Variants in PTPRG observed in about 807,000 individuals in gnomAD.
The protein encoded by PTPRG is receptor-type tyrosine-protein phosphatase gamma.
Under a neutral mutation model 165.3 loss-of-function variants are expected in PTPRG, and 102 were observed. The ratio of observed to expected loss-of-function variants is 0.62; its 90% CI spans 0.53 to 0.73. The LOEUF (loss-of-function observed/expected upper bound fraction) is 0.73, where lower values mean the gene tolerates loss of function less well. Among genes scored for constraint, PTPRG ranks in the 30% least tolerant of loss-of-function variants. PTPRG has a pLI of 0.00. For missense variants in PTPRG, 1,866 were observed against 1,861.4 expected (o/e 1.00, Z -0.05); for synonymous variants, 675 against 669.5 (o/e 1.01, Z -0.13).
chr3:61,803,400 T>A (rs1467643570), intron 2 of PTPRG, among the ~76,000 whole-genome samples: 1 of 147,326 alleles, frequency 6.8e-6, no homozygotes, highest in Admixed American at 6.7e-5. Context: ...TGTAAGCCCA[T>A]CCCATTTCTT....
In PTPRG at chr3:62,081,256, C is replaced by CAA. The variant is rs748197071; in HGVS notation, c.615+3001_615+3002dup. 7.0e-4 allele frequency among the ~76,000 whole-genome samples: 60 copies of CAA among 85,494 alleles called. 4 individuals are homozygous for CAA. The highest frequency in any genetic ancestry group is 4.0e-3 in the African/African-American group (55 of 13,764). 56.1% of individuals were successfully genotyped at this position (85,494 alleles called of 152,430 possible). ...TGGGCGACAGAGTGAGACTCCGTCT[C>CAA]AAAACAAACAAACAAACAAACAAAC... On this transcript the variant is annotated intron_variant, in intron 5 of 29. Transcript: ENST00000474889.
At chr3:62,147,882 G>T (rs1224777396) in intron 6 of PTPRG, among the ~76,000 whole-genome samples, 3 of 152,186 alleles carry the variant, frequency 2.0e-5, no homozygotes, top group Non-Finnish European at 2.9e-5. Flanking sequence ...CAAGCTGGGC[G>T]TGGTGGCTCA....
At position 61,940,823 on chromosome 3, in the gene PTPRG, C is replaced by T. The variant is rs1263014433; in HGVS notation, c.191-48802C>T. 2.0e-5 allele frequency among the ~76,000 whole-genome samples: 3 copies of T among 152,012 alleles called. 1 individual carries two copies. Among genetic ancestry groups the T allele is most frequent in the African/African-American group, 7.2e-5 (3 of 41,382 alleles). The stretch of plus-strand genomic sequence containing the variant: ...GGACTACAGGCGCCTGCCACCATGC[C>T]CGGCTAATTTTTTTGTATTTTTAGT... On this transcript the variant is annotated intron_variant, in intron 2 of 29. Transcript: ENST00000474889.
intron 2 of PTPRG, among the ~76,000 whole-genome samples, chr3:61,899,976 C>G (rs1481085388): frequency 6.6e-6 from 1 of 152,158 alleles, no homozygotes; most frequent in Non-Finnish European, 1.5e-5. Context: ...TGAAGAATTA[C>G]TTTAAAAAAT....
At chr3:61,768,633 G>C (rs2034109686) in intron 2 of PTPRG, among the ~76,000 whole-genome samples, 1 of 152,186 alleles carries the variant, frequency 6.6e-6, no homozygotes, top group South Asian at 2.1e-4. Flanking sequence ...AGTAAAGATT[G>C]TCATACAGGT....
chr3:61,823,327 A>G (rs2036010189), intron 2 of PTPRG, among the ~76,000 whole-genome samples: 1 of 152,176 alleles, frequency 6.6e-6, no homozygotes, highest in Non-Finnish European at 1.5e-5. Flanking sequence ...AGTAGCTGAG[A>G]CTACAGACAC....
intron 2 of PTPRG, among the ~76,000 whole-genome samples, chr3:61,969,849 T>C (rs760270037): frequency 2.0e-5 from 3 of 152,208 alleles, no homozygotes; most frequent in Non-Finnish European, 4.4e-5. Flanking sequence ...AAAGCTGCAC[T>C]GGGTAGATGG....
At chr3:62,100,458 A>G (rs1051560433) in intron 5 of PTPRG, among the ~76,000 whole-genome samples, 10 of 152,092 alleles carry the variant, frequency 6.6e-5, no homozygotes, top group African/African-American at 2.4e-4. Context: ...CTGTCATTTT[A>G]TGTCTTTCAG....
intron 2 of PTPRG, among the ~76,000 whole-genome samples, chr3:61,955,828 A>T (rs1432031771): frequency 6.6e-6 from 1 of 152,168 alleles, no homozygotes; most frequent in African/African-American, 2.4e-5. Flanking sequence ...TTCTCCTTTA[A>T]CAACAGGTGA....
intron 2 of PTPRG, among the ~76,000 whole-genome samples, chr3:61,896,405 G>C: frequency 6.6e-6 from 1 of 152,126 alleles, no homozygotes; most frequent in Non-Finnish European, 1.5e-5. Flanking sequence ...TTTTATTGTT[G>C]AGTAATATGC....
intron 15 of PTPRG, among the ~76,000 whole-genome samples, chr3:62,248,042 A>C (rs1273493997): frequency 6.6e-6 from 1 of 152,012 alleles, no homozygotes; most frequent in African/African-American, 2.4e-5. Flanking sequence ...CCCTGGTCTC[A>C]CCTAACACTT....
intron 1 of PTPRG, among the ~76,000 whole-genome samples, chr3:61,680,521 CA>C (rs995187234): frequency 3.4e-5 from 4 of 117,644 alleles, no homozygotes; most frequent in East Asian, 5.0e-4. Context: ...AAAAAAAACA[CA>C]AAAAAACAGC....
intron 2 of PTPRG, among the ~76,000 whole-genome samples, chr3:61,810,495 C>T (rs576226318): frequency 3.0e-4 from 46 of 152,240 alleles, no homozygotes; most frequent in African/African-American, 1.0e-3. Context: ...AACGACAGTG[C>T]GAAGGGATAC....
intron 1 of PTPRG, among the ~76,000 whole-genome samples, chr3:61,585,957 G>A (rs576067196): frequency 1.1e-4 from 17 of 152,272 alleles, no homozygotes; most frequent in African/African-American, 4.1e-4. Context: ...TTGGGGAACC[G>A]TCTAGTTGGT....
At chr3:62,126,386 T>A (rs1432927703) in intron 5 of PTPRG, among the ~76,000 whole-genome samples, 1 of 152,252 alleles carries the variant, frequency 6.6e-6, no homozygotes, top group East Asian at 1.9e-4. Flanking sequence ...ATTAATATTA[T>A]GAATTAACAG....
intron 12 of PTPRG, among the ~76,000 whole-genome samples, chr3:62,205,128 A>G (rs1230728762): frequency 6.6e-6 from 1 of 151,968 alleles, no homozygotes; most frequent in Non-Finnish European, 1.5e-5. Context: ...GTTTTGAATT[A>G]CTTTCCTCTT....
chr3:62,117,070 C>A (rs902026657), intron 5 of PTPRG, among the ~76,000 whole-genome samples: 3 of 152,178 alleles, frequency 2.0e-5, no homozygotes, highest in African/African-American at 4.8e-5. Context: ...TCTTTACTTT[C>A]TATGACACTT....
intron 2 of PTPRG, among the ~76,000 whole-genome samples, chr3:61,813,913 G>A (rs1422120273): frequency 4.7e-5 from 7 of 149,588 alleles, no homozygotes; most frequent in African/African-American, 1.7e-4. Flanking sequence ...TTTGGGGGGG[G>A]TTGGAGTCTC....
In PTPRG at chr3:62,203,743, G is replaced by A. The variant is rs769053896; in HGVS notation, c.1948G>A (p.Ala650Thr). ...ACCTGGGCATGAGCAGGATCACACTGCCGTCCCCACAGACCAGACGGGCGG... is the reference window on the plus strand; with the variant it reads ...ACCTGGGCATGAGCAGGATCACACTACCGTCCCCACAGACCAGACGGGCGG... ...TIPGHEQDHT[A>T]VPTDQTGGRR... Residue 650 changes from alanine to threonine, a missense_variant, in exon 12 of 30, where the codon GCC becomes ACC. By Grantham distance (58) the Ala-to-Thr change is moderately conservative. Around this residue, in one of 3 missense-constraint regions of PTPRG, gnomAD observed 1,452 missense variants for 1,463.0 expected, o/e 0.99. Coordinates refer to ENST00000474889, the MANE Select transcript of PTPRG (RefSeq NM_002841.4). This position sits in a 1 kb window ranked among gnomAD's most constrained non-coding sequence, Gnocchi z 6.4. 6 of 1,601,932 alleles carry A rather than the reference G, an allele frequency of 3.7e-6. No homozygotes were observed. Among genetic ancestry groups the A allele is most frequent in the Non-Finnish European group, 5.1e-6 (6 of 1,173,938 alleles).
Sources: allele counts gnomAD v4.1 joint callset (sites outside exome capture counted in the v4.1 genomes callset), GRCh38; gene constraint gnomAD v4.1.1; regional missense constraint gnomAD v4.1.1; non-coding constraint Gnocchi (gnomAD v3.1); transcripts MANE v1.5; gene names NCBI Gene and HGNC (gene_info 2026-07-23, HGNC 2026-07-21).